The following GNAS-AS1 variants were observed in gnomAD, a reference collection of about 807,000 sequenced individuals.
The protein encoded by GNAS-AS1 is GNAS antisense RNA 1, also known as GNAS antisense RNA 1 (non-protein coding).
chr20:58,820,390 C>T, intron 4 of GNAS-AS1, among the ~76,000 whole-genome samples: 1 of 152,236 alleles, frequency 6.6e-6, no homozygotes, highest in East Asian at 1.9e-4. Flanking sequence ...CCATACCTGG[C>T]ACCTGGACAC....
chr20:58,830,499 CCA>C (rs1568900470), intron 4 of GNAS-AS1, among the ~76,000 whole-genome samples: 4 of 120,302 alleles, frequency 3.3e-5, no homozygotes, highest in Admixed American at 8.5e-5. Context: ...ACCATCACCA[CCA>C]CACCACCATC....
At chr20:58,830,422 ACCGCCACAC>A (rs2085553055) in intron 4 of GNAS-AS1, among the ~76,000 whole-genome samples, 1 of 125,056 alleles carries the variant, frequency 8.0e-6, no homozygotes, top group Admixed American at 8.0e-5. Flanking sequence ...CATCACCACC[ACCGCCACAC>A]CACCATCATT....
Position 58,840,912 on chromosome 20 carries a change from G to A in GNAS-AS1, n.819+1025C>T, listed in dbSNP as rs41305799. The A allele has an allele frequency of 0.029, 46,551 of 1,609,866 alleles. 817 individuals are homozygous for A. Among genetic ancestry groups the A allele is most frequent in the South Asian group, 0.041 (3,690 of 90,634 alleles). On this transcript the variant is annotated intron_variant and non_coding_transcript_variant, in intron 4 of 4. Coordinates refer to ENST00000424094, the Ensembl canonical transcript of GNAS-AS1. The surrounding 1 kb of genome is among the most constrained non-coding windows in gnomAD (Gnocchi z 6.0). ...GTTAGTTGCCCACCGCTAAACTGGG[G>A]AGCCTGAGGGCGGTGTGGGAGCAGC... is the stretch of plus-strand genomic sequence containing the variant.
In GNAS-AS1 at chr20:58,841,426, C is replaced by G; in HGVS notation, n.819+511G>C. On this transcript the variant is annotated intron_variant and non_coding_transcript_variant, in intron 4 of 4. Transcript: ENST00000424094. The surrounding 1 kb of genome is among the most constrained non-coding windows in gnomAD (Gnocchi z 5.0). The stretch of plus-strand genomic sequence containing the variant: ...GCGAGAACTCTAGAGACTGACCACC[C>G]GGGAGGGAAGTCACGCGCGCGCGGC... 1.0e-6 allele frequency: 1 copy of G among 992,526 alleles called. No homozygotes were observed. The allele number at this position is 992,526 out of a possible 1,614,324, so 61.5% of individuals were successfully genotyped here.
chr20:58,841,427 G>A lies in GNAS-AS1; in HGVS notation n.819+510C>T, dbSNP rs982227001. On this transcript the variant is annotated intron_variant and non_coding_transcript_variant, in intron 4 of 4. Coordinates refer to ENST00000424094, the Ensembl canonical transcript of GNAS-AS1. The surrounding 1 kb of genome is among the most constrained non-coding windows in gnomAD (Gnocchi z 5.0). ...CGAGAACTCTAGAGACTGACCACCC[G>A]GGAGGGAAGTCACGCGCGCGCGGCG... The A allele has an allele frequency of 3.1e-5, 31 of 992,596 alleles. No homozygotes were observed. The highest frequency in any genetic ancestry group is 3.6e-5 in the Non-Finnish European group (30 of 834,560). The allele number at this position is 992,596 out of a possible 1,614,324, so 61.5% of individuals were successfully genotyped here.
In GNAS-AS1 at chr20:58,840,922, G is replaced by T. The variant is rs1181601026; in HGVS notation, n.819+1015C>A. ...CACCGCTAAACTGGGGAGCCTGAGG[G>T]CGGTGTGGGAGCAGCGCAGGTGGAA... On this transcript the variant is annotated intron_variant and non_coding_transcript_variant, in intron 4 of 4. Transcript: ENST00000424094. This position sits in a 1 kb window ranked among gnomAD's most constrained non-coding sequence, Gnocchi z 6.0. The T allele has an allele frequency of 1.9e-6, 3 of 1,608,584 alleles. No individual in the cohort carries two copies. Among genetic ancestry groups the T allele is most frequent in the African/African-American group, 1.3e-5 (1 of 74,834 alleles).
intron 4 of GNAS-AS1, among the ~76,000 whole-genome samples, chr20:58,835,262 T>C (rs2085594816): frequency 1.3e-5 from 2 of 151,986 alleles, no homozygotes; most frequent in African/African-American, 4.8e-5. Flanking sequence ...ATCCAAAAAA[T>C]ATCTTCAAGA....
chr20:58,844,423 G>A (rs1472573428), intron 2 of GNAS-AS1, among the ~76,000 whole-genome samples: 1 of 152,174 alleles, frequency 6.6e-6, no homozygotes, highest in Non-Finnish European at 1.5e-5. Context: ...GTGGGGTTTT[G>A]ACACTAATGA....
chr20:58,829,323 T>C (rs2085540105), intron 4 of GNAS-AS1, among the ~76,000 whole-genome samples: 1 of 152,238 alleles, frequency 6.6e-6, no homozygotes, highest in Non-Finnish European at 1.5e-5. Flanking sequence ...ACCCAGCTAC[T>C]ATCAACTCTA....
intron 2 of GNAS-AS1, among the ~76,000 whole-genome samples, chr20:58,847,493 A>G (rs1457464496): frequency 6.6e-6 from 1 of 152,252 alleles, no homozygotes; most frequent in Non-Finnish European, 1.5e-5. Flanking sequence ...CTACTCACTC[A>G]GCACTCAGAA....
rs971804131 is a variant in GNAS-AS1 at position 58,841,029 on chromosome 20, G to A, written n.819+908C>T. 7.1e-6 allele frequency: 7 copies of A among 981,594 alleles called. No individual in the cohort carries two copies. Among genetic ancestry groups the A allele is most frequent in the African/African-American group, 1.6e-5 (1 of 61,616 alleles). 60.8% of individuals were successfully genotyped at this position (981,594 alleles called of 1,614,324 possible). On this transcript the variant is annotated intron_variant and non_coding_transcript_variant, in intron 4 of 4. Transcript: ENST00000424094. The surrounding 1 kb of genome is among the most constrained non-coding windows in gnomAD (Gnocchi z 5.0). ...GGTCAGCCTGGGATCGGGGGTCAGG[G>A]TGAGGCGGCGAGGGCTCCCCCAAAC...
Position 58,840,933 on chromosome 20 carries a change from G to A in GNAS-AS1, n.819+1004C>T. 1 of 1,599,558 alleles carries A rather than the reference G, an allele frequency of 6.3e-7. No individual in the cohort carries two copies. Among genetic ancestry groups the A allele is most frequent in the South Asian group, 1.1e-5 (1 of 89,846 alleles). On this transcript the variant is annotated intron_variant and non_coding_transcript_variant, in intron 4 of 4. Transcript: ENST00000424094. This position sits in a 1 kb window ranked among gnomAD's most constrained non-coding sequence, Gnocchi z 6.0. Reference sequence around the variant, plus strand: ...TGGGGAGCCTGAGGGCGGTGTGGGAGCAGCGCAGGTGGAAAGGAGGTGAGA... The same window carrying A: ...TGGGGAGCCTGAGGGCGGTGTGGGAACAGCGCAGGTGGAAAGGAGGTGAGA...
chr20:58,821,781 T>A (rs1568896813), intron 4 of GNAS-AS1, among the ~76,000 whole-genome samples: 1 of 152,148 alleles, frequency 6.6e-6, no homozygotes, highest in Non-Finnish European at 1.5e-5. Flanking sequence ...GAGGCCTGGA[T>A]GAGCAAGAGA....
At chr20:58,838,869 A>T (rs1366494139) in intron 4 of GNAS-AS1, 3 of 390,974 alleles carry the variant, frequency 7.7e-6, no homozygotes, top group Admixed American at 9.3e-5. Context: ...GTGACCCAAG[A>T]TCACATCAGT....
intron 4 of GNAS-AS1, among the ~76,000 whole-genome samples, chr20:58,829,701 G>T (rs1488703293): frequency 6.6e-6 from 1 of 152,176 alleles, no homozygotes; most frequent in African/African-American, 2.4e-5. Context: ...CAGCTCAAGT[G>T]TGCACGTATC....
chr20:58,830,439 ATTAC>A (rs1198464321), intron 4 of GNAS-AS1, among the ~76,000 whole-genome samples: 4 of 50,078 alleles, frequency 8.0e-5, no homozygotes, highest in Non-Finnish European at 1.2e-4. Flanking sequence ...CACCACCATC[ATTAC>A]CACCACCACC....
chr20:58,846,090 A>G (rs1368784397), intron 2 of GNAS-AS1, among the ~76,000 whole-genome samples: 2 of 152,244 alleles, frequency 1.3e-5, no homozygotes, highest in African/African-American at 4.8e-5. Flanking sequence ...CAAAAGGAAA[A>G]GAAGAATTTG....
exon 5 of GNAS-AS1, chr20:58,819,199 C>T (rs886152512): frequency 2.0e-5 from 8 of 398,526 alleles, no homozygotes; most frequent in Non-Finnish European, 3.1e-5. Context: ...TGAGGCGGAG[C>T]TCTGGAGAGG....
exon 3 of GNAS-AS1, chr20:58,842,469 A>G: frequency 2.5e-6 from 1 of 398,624 alleles, no homozygotes; most frequent in South Asian, 1.3e-4. Flanking sequence ...ATTCCGTAGG[A>G]AAGGCGTCGC....
Sources: allele counts gnomAD v4.1 joint callset (sites outside exome capture counted in the v4.1 genomes callset), GRCh38; gene constraint gnomAD v4.1.1; non-coding constraint Gnocchi (gnomAD v3.1); transcripts MANE v1.5; gene names NCBI Gene and HGNC (gene_info 2026-07-23, HGNC 2026-07-21).